Variants in PUDP observed in about 807,000 individuals in gnomAD.
PUDP encodes pseudouridine-5'-phosphatase.
PUDP carries 8 observed loss-of-function variants against 9.4 expected under a neutral mutation model. The observed-to-expected ratio is 0.85, with a 90% CI of 0.50 to 1.53. The LOEUF is 1.53. Ranked by LOEUF, PUDP falls within the 40% of genes most tolerant of loss-of-function variation. The pLI is 0.00. For synonymous variants in PUDP, 99 were observed against 80.7 expected (o/e 1.23, Z -1.22); for missense variants, 188 against 189.7 (o/e 0.99, Z 0.05).
At chrX:6,822,714 T>C (rs991312675) in intron 3 of PUDP, among the ~76,000 whole-genome samples, 6 of 109,103 alleles carry the variant, frequency 5.5e-5, no homozygotes, top group African/African-American at 2.0e-4. Context: ...TTTTAACTTT[T>C]ATTTTAGGTT....
At chrX:6,869,313 C>G (rs1266234154) in intron 3 of PUDP, among the ~76,000 whole-genome samples, 7 of 111,824 alleles carry the variant, frequency 6.3e-5, no homozygotes, top group African/African-American at 6.5e-5. Flanking sequence ...TTGTCCTGCT[C>G]CATGATGTCT....
intron 3 of PUDP, among the ~76,000 whole-genome samples, chrX:6,881,559 C>T (rs1248571577): frequency 9.0e-6 from 1 of 111,681 alleles, no homozygotes; most frequent in African/African-American, 3.3e-5. Flanking sequence ...ATGCTTCCTC[C>T]CTCATGCAAG....
At chrX:7,098,546 T>C (rs892897287) in intron 2 of PUDP, among the ~76,000 whole-genome samples, 5 of 111,497 alleles carry the variant, frequency 4.5e-5, no homozygotes, top group African/African-American at 1.6e-4. Context: ...CACATTCAGA[T>C]CATAGTACCC....
intron 3 of PUDP, among the ~76,000 whole-genome samples, chrX:6,931,206 G>C (rs1928185781): frequency 8.9e-6 from 1 of 111,826 alleles, no homozygotes; most frequent in African/African-American, 3.3e-5. Context: ...GCCAGGACCT[G>C]GGTGTCATTG....
intron 1 of PUDP, among the ~76,000 whole-genome samples, chrX:6,987,882 T>C (rs913755563): frequency 9.0e-6 from 1 of 111,025 alleles, no homozygotes; most frequent in African/African-American, 3.2e-5. Flanking sequence ...CCATCTGTTA[T>C]GTCTGGTCAT....
chrX:6,914,401 C>T (rs775271115), intron 3 of PUDP, among the ~76,000 whole-genome samples: 2 of 111,424 alleles, frequency 1.8e-5, no homozygotes, highest in East Asian at 5.6e-4. Context: ...GAAATAGATT[C>T]GCCCTGGGAA....
At chrX:6,914,129 T>C (rs946615020) in intron 3 of PUDP, among the ~76,000 whole-genome samples, 28 of 94,467 alleles carry the variant, frequency 3.0e-4, no homozygotes, top group African/African-American at 1.2e-3. Flanking sequence ...ATTGTGCCAC[T>C]GCACTCCAGC....
intron 3 of PUDP, among the ~76,000 whole-genome samples, chrX:6,960,297 G>A (rs1928688353): frequency 8.9e-6 from 1 of 112,567 alleles, no homozygotes; most frequent in African/African-American, 3.2e-5. Context: ...TTTAAGAGGT[G>A]ATTAGGCCAT....
chrX:6,823,625 G>A (rs1303529795), intron 3 of PUDP, among the ~76,000 whole-genome samples: 3 of 112,644 alleles, frequency 2.7e-5, no homozygotes, highest in African/African-American at 9.7e-5. Context: ...AGCCCATAGA[G>A]TAAAGCGAAA....
intron 3 of PUDP, among the ~76,000 whole-genome samples, chrX:6,836,871 G>C (rs140802684): frequency 0.02 from 2,245 of 112,091 alleles, 56 homozygotes; most frequent in African/African-American, 0.07. Context: ...AACTGTGATT[G>C]GTCTCTACTG....
chrX:6,943,447 A>G (rs1246044912), intron 3 of PUDP, among the ~76,000 whole-genome samples: 3 of 112,013 alleles, frequency 2.7e-5, no homozygotes, highest in African/African-American at 9.7e-5. Flanking sequence ...TCAGAAGCAA[A>G]GCCATTCCAT....
chrX:7,068,308 G>A (rs973755975), intron 3 of PUDP, among the ~76,000 whole-genome samples: 1 of 112,315 alleles, frequency 8.9e-6, no homozygotes, highest in African/African-American at 3.2e-5. Flanking sequence ...GCACGTACAC[G>A]AAAGGTTCAA....
chrX:6,866,303 G>C (rs747384134), intron 3 of PUDP, among the ~76,000 whole-genome samples: 2 of 107,337 alleles, frequency 1.9e-5, no homozygotes, highest in African/African-American at 3.4e-5. Context: ...ATGCAAGATA[G>C]TATACGGTTG....
At chrX:6,974,772 G>C (rs1446581213) in intron 3 of PUDP, among the ~76,000 whole-genome samples, 1 of 111,235 alleles carries the variant, frequency 9.0e-6, no homozygotes, top group Non-Finnish European at 1.9e-5. Context: ...TGCTAGGTTG[G>C]GGAATTTCTC....
intron 1 of PUDP, among the ~76,000 whole-genome samples, chrX:6,991,659 AGAGT>A (rs1331131918): frequency 9.7e-6 from 1 of 103,388 alleles, no homozygotes; most frequent in African/African-American, 3.5e-5. Flanking sequence ...GCTGAGTGAG[AGAGT>A]AAGACCTTGT....
chrX:6,959,421 G>T (rs1158551737), intron 3 of PUDP, among the ~76,000 whole-genome samples: 1 of 112,165 alleles, frequency 8.9e-6, no homozygotes, highest in Admixed American at 9.4e-5. Flanking sequence ...ACTCCCCACT[G>T]CAGAAGGCAC....
At chrX:6,817,532 C>G (rs1007663404) in intron 3 of PUDP, among the ~76,000 whole-genome samples, 1 of 111,973 alleles carries the variant, frequency 8.9e-6, no homozygotes, top group Admixed American at 9.5e-5. Context: ...CCTGGGTTCT[C>G]CATTTCAAGA....
At chrX:6,771,737 C>T (rs1189552829) in intron 3 of PUDP, among the ~76,000 whole-genome samples, 1 of 112,479 alleles carries the variant, frequency 8.9e-6, no homozygotes, top group Non-Finnish European at 1.9e-5. Context: ...TTACTCAAGG[C>T]CAGGGATTGG....
At chrX:6,954,509 G>A (rs761243594) in intron 3 of PUDP, among the ~76,000 whole-genome samples, 13 of 111,215 alleles carry the variant, frequency 1.2e-4, no homozygotes, top group African/African-American at 2.0e-4. Context: ...GTGTCAGTCC[G>A]TGTCAGCCAA....
Sources: allele counts gnomAD v4.1 joint callset (sites outside exome capture counted in the v4.1 genomes callset), GRCh38; gene constraint gnomAD v4.1.1; transcripts MANE v1.5; gene names NCBI Gene and HGNC (gene_info 2026-07-23, HGNC 2026-07-21).